GJB7: variants seen among roughly 807,000 people sequenced by gnomAD.
GJB7 encodes gap junction beta-7 protein.
For missense variants in GJB7, 253 were observed against 256.8 expected (o/e 0.99, Z 0.10); for synonymous variants, 87 against 95.2 (o/e 0.91, Z 0.50).
At chr6:87,321,325 A>G (rs114123926) in intron 2 of GJB7, among the ~76,000 whole-genome samples, 2,546 of 152,206 alleles carry the variant, frequency 0.017, 74 homozygotes, top group African/African-American at 0.057. Flanking sequence ...ATTTCAAAAT[A>G]GTCAAATAAA....
chr6:87,301,910 G>A (rs918796980), intron 2 of GJB7, among the ~76,000 whole-genome samples: 1 of 152,200 alleles, frequency 6.6e-6, no homozygotes, highest in African/African-American at 2.4e-5. Context: ...CTGATACCCA[G>A]GCAAACAGGG....
chr6:87,294,411 C>T (rs1259938663), intron 2 of GJB7, among the ~76,000 whole-genome samples: 1 of 152,176 alleles, frequency 6.6e-6, no homozygotes, highest in Non-Finnish European at 1.5e-5. Context: ...TCGAGAAAGA[C>T]CACAGAGTTG....
chr6:87,311,574 G>A (rs2127907773), intron 2 of GJB7, among the ~76,000 whole-genome samples: 1 of 152,300 alleles, frequency 6.6e-6, no homozygotes, highest in East Asian at 1.9e-4. Flanking sequence ...TTCAAGGTGG[G>A]GAATTGATAG....
chr6:87,283,980 G>A lies in GJB7; in HGVS notation c.*261C>T, dbSNP rs2127894918. On this transcript the variant is annotated 3_prime_UTR_variant, in exon 3 of 3. Transcript: ENST00000525899. The stretch of plus-strand genomic sequence containing the variant: ...CCTACAACAAAACAATGAGACCTCT[G>A]TCTAGAGCTCATAACTGAAAGCATA... 1 of 418,826 alleles carries A rather than the reference G, an allele frequency of 2.4e-6. No homozygotes were observed. The allele number at this position is 418,826 out of a possible 1,614,324, so 25.9% of individuals were successfully genotyped here.
At chr6:87,297,920 G>T (rs116360135) in intron 2 of GJB7, among the ~76,000 whole-genome samples, 2,326 of 152,324 alleles carry the variant, frequency 0.015, 59 homozygotes, top group African/African-American at 0.052. Context: ...GTTTTCTTAT[G>T]ATGATCCTCC....
At chr6:87,299,108 G>A in intron 2 of GJB7, 1 of 495,878 alleles carries the variant, frequency 2.0e-6, no homozygotes, top group African/African-American at 2.0e-5. Flanking sequence ...CAGTGCTATT[G>A]TACTGCCATG....
chr6:87,324,749 G>A (rs1174753827), intron 1 of GJB7, among the ~76,000 whole-genome samples: 4 of 152,144 alleles, frequency 2.6e-5, no homozygotes, highest in South Asian at 4.1e-4. Context: ...ACTTGGCGAT[G>A]TGGGCTCTTT....
At chr6:87,292,546 G>A (rs1301852053) in intron 2 of GJB7, among the ~76,000 whole-genome samples, 1 of 152,070 alleles carries the variant, frequency 6.6e-6, no homozygotes, top group East Asian at 1.9e-4. Flanking sequence ...ATTGATAACA[G>A]ACATTTTCTA....
At chr6:87,301,427 C>T (rs1342680762) in intron 2 of GJB7, among the ~76,000 whole-genome samples, 1 of 152,172 alleles carries the variant, frequency 6.6e-6, no homozygotes, top group African/African-American at 2.4e-5. Context: ...GAGCCTCACT[C>T]ATTGCTAGCA....
chr6:87,318,356 A>C (rs956326185), intron 2 of GJB7, among the ~76,000 whole-genome samples: 1 of 152,196 alleles, frequency 6.6e-6, no homozygotes, highest in African/African-American at 2.4e-5. Context: ...TTGGCACCAT[A>C]ATTCTGCACA....
intron 2 of GJB7, among the ~76,000 whole-genome samples, chr6:87,321,655 T>G (rs1776664631): frequency 6.6e-6 from 1 of 152,126 alleles, no homozygotes; most frequent in South Asian, 2.1e-4. Flanking sequence ...AATTTTATTT[T>G]TGGTTTTTGT....
At position 87,283,748 on chromosome 6, in the gene GJB7, C is replaced by T. The variant is rs1467112144; in HGVS notation, c.*493G>A. On this transcript the variant is annotated 3_prime_UTR_variant, in exon 3 of 3. Coordinates refer to ENST00000525899, the MANE Select transcript of GJB7 (RefSeq NM_198568.3). ...TCAGCTCGGAGGCCATCACATTTGC[C>T]TAAAGTGTCACTTTTTATATTTTCC... is the stretch of plus-strand genomic sequence containing the variant. 1 of 153,158 alleles carries T rather than the reference C, an allele frequency of 6.5e-6. No individual in the cohort carries two copies. The highest frequency in any genetic ancestry group is 6.5e-5 in the Admixed American group (1 of 15,402). 9.5% of individuals were successfully genotyped at this position (153,158 alleles called of 1,614,324 possible). A position where few individuals can be genotyped will look rare whatever the true frequency, so the allele number is the denominator to read the frequency against.
At chr6:87,325,873 T>G (rs1582086106) in intron 1 of GJB7, among the ~76,000 whole-genome samples, 1 of 152,358 alleles carries the variant, frequency 6.6e-6, no homozygotes, top group East Asian at 1.9e-4. Context: ...CTGTTAGAAT[T>G]CGGCTGTGAA....
intron 2 of GJB7, among the ~76,000 whole-genome samples, chr6:87,291,711 CTG>C (rs1380769374): frequency 1.4e-4 from 21 of 152,204 alleles, no homozygotes. Flanking sequence ...CGGCACAAAA[CTG>C]AATGGCAGTA....
chr6:87,312,510 A>C (rs1486001875), intron 2 of GJB7, among the ~76,000 whole-genome samples: 4 of 137,200 alleles, frequency 2.9e-5, no homozygotes, highest in Non-Finnish European at 6.2e-5. Context: ...GACTCTGTCT[A>C]CAAAAAAAAA....
At chr6:87,306,361 G>A (rs201520974) in intron 2 of GJB7, among the ~76,000 whole-genome samples, 1,565 of 152,188 alleles carry the variant, frequency 0.01, 20 homozygotes, top group African/African-American at 0.033. Context: ...AAAAGTGGGC[G>A]AAGGACATGA....
chr6:87,307,632 T>C, intron 2 of GJB7, among the ~76,000 whole-genome samples: 1 of 152,136 alleles, frequency 6.6e-6, no homozygotes, highest in Non-Finnish European at 1.5e-5. Context: ...AAAATGCTCA[T>C]CATCACTGGA....
intron 1 of GJB7, among the ~76,000 whole-genome samples, chr6:87,323,749 C>A (rs1165565293): frequency 6.6e-6 from 1 of 152,064 alleles, no homozygotes; most frequent in Non-Finnish European, 1.5e-5. Context: ...GTGCTTGTGT[C>A]TTTACAGCAG....
At chr6:87,293,030 A>G (rs1056004725) in intron 2 of GJB7, among the ~76,000 whole-genome samples, 4 of 152,062 alleles carry the variant, frequency 2.6e-5, no homozygotes, top group Non-Finnish European at 5.9e-5. Context: ...ATTTTATTTT[A>G]TTTTTTATTT....
Sources: allele counts gnomAD v4.1 joint callset (sites outside exome capture counted in the v4.1 genomes callset), GRCh38; gene constraint gnomAD v4.1.1; transcripts MANE v1.5; gene names NCBI Gene and HGNC (gene_info 2026-07-23, HGNC 2026-07-21).